Variants in ABCA1 observed in about 807,000 individuals in gnomAD.
ABCA1 encodes the protein phospholipid-transporting ATPase ABCA1.
Under a neutral mutation model 262.5 loss-of-function variants are expected in ABCA1, and 133 were observed. That is an observed-to-expected ratio of 0.51 (90% CI 0.44 to 0.59). The LOEUF (loss-of-function observed/expected upper bound fraction) is 0.59. Ranked by LOEUF, ABCA1 falls within the 20% of genes least tolerant of loss-of-function variation. The pLI, the probability that ABCA1 is intolerant of heterozygous loss-of-function variation, is 0.00. For synonymous variants in ABCA1, 1,022 were observed against 1,043.5 expected, an observed-to-expected ratio of 0.98 and a Z score of 0.40; for missense variants, 2,452 against 2,777.5, an observed-to-expected ratio of 0.88 and a Z score of 2.63.
intron 1 of ABCA1, among the ~76,000 whole-genome samples, chr9:104,919,895 G>A (rs913761745): frequency 6.6e-6 from 1 of 152,016 alleles, no homozygotes; most frequent in African/African-American, 2.4e-5. Flanking sequence ...TTCTGTCATC[G>A]ATCTGATCAG....
intron 5 of ABCA1, among the ~76,000 whole-genome samples, chr9:104,870,532 C>T (rs1320678186): frequency 6.6e-6 from 1 of 152,210 alleles, no homozygotes; most frequent in Non-Finnish European, 1.5e-5. Context: ...ACGTGTCCCC[C>T]CTCAAAGTTC....
chr9:104,828,819 C>T (rs913113326), intron 15 of ABCA1, 97 bp downstream of exon 15: 19 of 1,263,974 alleles, frequency 1.5e-5, no homozygotes, highest in African/African-American at 6.0e-5. Context: ...CCCTTCTCTA[C>T]CAGAGGCTTG....
At chr9:104,790,102 A>C (rs1334565035) in intron 44 of ABCA1, among the ~76,000 whole-genome samples, 1 of 151,920 alleles carries the variant, frequency 6.6e-6, no homozygotes, top group Non-Finnish European at 1.5e-5. Context: ...GTCTCAAAAA[A>C]AAAAAAGCCC....
chr9:104,801,686 T>A (rs920427224), intron 34 of ABCA1, among the ~76,000 whole-genome samples: 1 of 151,944 alleles, frequency 6.6e-6, no homozygotes, highest in African/African-American at 2.4e-5. Context: ...GGATTACAGG[T>A]GTGTGCCACC....
intron 30 of ABCA1, among the ~76,000 whole-genome samples, chr9:104,807,151 G>A (rs1830838960): frequency 6.6e-6 from 1 of 152,194 alleles, no homozygotes; most frequent in Non-Finnish European, 1.5e-5. Context: ...AGATGAGAGA[G>A]GCCTGGGAAA....
chr9:104,887,687 C>T (rs1371513388), intron 3 of ABCA1, among the ~76,000 whole-genome samples: 1 of 149,516 alleles, frequency 6.7e-6, no homozygotes, highest in Non-Finnish European at 1.5e-5. Flanking sequence ...AATTATCTCA[C>T]AGGCATATAA....
chr9:104,885,305 GAC>G (rs1429255813), intron 3 of ABCA1, among the ~76,000 whole-genome samples: 5 of 152,166 alleles, frequency 3.3e-5, no homozygotes, highest in Non-Finnish European at 7.4e-5. Context: ...CAGCTGGCGT[GAC>G]TGGGAGTAGA....
Position 104,812,504 on chromosome 9 carries a change from C to T in ABCA1, c.4050+70G>A. On this transcript the variant is annotated intron_variant, in intron 28 of 49. Coordinates refer to ENST00000374736, the MANE Select transcript of ABCA1 (RefSeq NM_005502.4). The stretch of plus-strand genomic sequence containing the variant: ...ATATCTTGACCAGGATGCTATCCTG[C>T]CTTCACTGGTCACAGAGCCTGCAGC... The T allele has an allele frequency of 5.0e-6, 8 of 1,595,602 alleles. No individual in the cohort carries two copies. The Middle Eastern group carries it at 5.7e-4, about 113-fold the overall frequency.
intron 3 of ABCA1, among the ~76,000 whole-genome samples, chr9:104,888,395 A>G (rs10991390): frequency 0.017 from 2,633 of 152,302 alleles, 29 homozygotes; most frequent in Non-Finnish European, 0.02. Flanking sequence ...CACTGAGCCC[A>G]GCCCTAAGAG....
chr9:104,821,315 G>A (rs974278145), intron 20 of ABCA1, 60 bp downstream of exon 20: 2 of 1,596,640 alleles, frequency 1.3e-6, no homozygotes, highest in Non-Finnish European at 1.7e-6. Context: ...CTCCTCCCAT[G>A]ATGGCATGAC....
chr9:104,788,058 C>T lies in ABCA1; in HGVS notation c.6070-4G>A. 1 of 1,614,170 alleles carries T rather than the reference C, an allele frequency of 6.2e-7. No homozygotes were observed. The highest frequency in any genetic ancestry group is 8.5e-7 in the Non-Finnish European group (1 of 1,180,000). On this transcript the variant is annotated splice_polypyrimidine_tract_variant and splice_region_variant and intron_variant, in intron 45 of 49. Transcript: ENST00000374736. ...TCCGAATCGCCCACTCACCAACCTA[C>T]AGTGATAAAAAGCACCTTGACTTTG...
chr9:104,842,113 T>A (rs3824479), intron 8 of ABCA1, among the ~76,000 whole-genome samples: 9,552 of 152,150 alleles, frequency 0.063, 670 homozygotes, highest in East Asian at 0.41. Flanking sequence ...ACTCTCTAGG[T>A]CCTAAGCTTT....
In ABCA1 at chr9:104,903,711, T is replaced by C; in HGVS notation, c.-32A>G. 6.4e-7 allele frequency: 1 copy of C among 1,562,002 alleles called. No homozygotes were observed. The highest frequency in any genetic ancestry group is 8.7e-7 in the Non-Finnish European group (1 of 1,152,564). ...TCAGCCAGCACCCCCAGCGTGTGGC[T>C]CGGGAGCCCTGGAAGGCAGCGGCCA... On this transcript the variant is annotated 5_prime_UTR_variant, in exon 2 of 50. Transcript: ENST00000374736.
chr9:104,880,799 T>A (rs12001061), intron 5 of ABCA1, among the ~76,000 whole-genome samples: 69,574 of 151,966 alleles, frequency 0.46, 18,038 homozygotes, highest in African/African-American at 0.71. Flanking sequence ...CTCTGCACAC[T>A]ACTGTAGGGT....
intron 8 of ABCA1, 42 bp from the exon 9 acceptor site, chr9:104,840,561 G>C: frequency 6.3e-7 from 1 of 1,592,742 alleles, no homozygotes. Flanking sequence ...TAGGGGAAGG[G>C]AGAAAAGGGC....
chr9:104,858,173 A>G (rs962564631), intron 7 of ABCA1, among the ~76,000 whole-genome samples: 3 of 151,974 alleles, frequency 2.0e-5, no homozygotes, highest in Non-Finnish European at 4.4e-5. Flanking sequence ...AATGGTTTCA[A>G]GACTTTTTTT....
intron 5 of ABCA1, among the ~76,000 whole-genome samples, chr9:104,862,409 T>C (rs1836500178): frequency 1.1e-5 from 1 of 92,696 alleles, no homozygotes; most frequent in African/African-American, 6.5e-5. Flanking sequence ...ATGCCCGGTC[T>C]TTCTCTTCTA....
rs758322157 is a variant in ABCA1, at chr9:104,819,924, C to G, written c.3103+3G>C. 14 of 1,612,704 alleles carry G rather than the reference C, an allele frequency of 8.7e-6. No individual in the cohort carries two copies. The highest frequency in any genetic ancestry group is 1.2e-5 in the Non-Finnish European group (14 of 1,179,920). ...GGATAGGGAAGGTAGCTCTGGGCCG[C>G]ACCTGACAGCTGGCTTGTTTTGCTT... is the stretch of plus-strand genomic sequence containing the variant. On this transcript the variant is annotated splice_donor_region_variant and intron_variant, in intron 21 of 49. Transcript: ENST00000374736.
In ABCA1 at chr9:104,798,445, C is replaced by A. The variant is rs146934490; in HGVS notation, c.5097G>T (p.Trp1699Cys). The A allele has an allele frequency of 2.2e-5, 35 of 1,614,008 alleles. No individual in the cohort carries two copies. Among genetic ancestry groups the A allele is most frequent in the Non-Finnish European group, 2.9e-5 (34 of 1,180,032 alleles). ...CCATATCCCAGACAAAATTAGAGAG[C>A]CAGTAGATGACAGGCTTCACTCCAC... ...FISGVKPVIY[W>C]LSNFVWDMCN... The change falls in exon 37 of 50, where the codon TGG becomes TGT. Residue 1699 changes from tryptophan (W) to cysteine (C), a missense_variant. By Grantham distance (215) the Trp-to-Cys change is radical. Coordinates refer to ENST00000374736, the MANE Select transcript of ABCA1 (RefSeq NM_005502.4).
Sources: gnomAD v4.1 joint callset for allele counts (sites outside exome capture counted in the v4.1 genomes callset) on GRCh38, gnomAD v4.1.1 for gene constraint, MANE v1.5 for transcripts, NCBI Gene and HGNC (gene_info 2026-07-23, HGNC 2026-07-21) for gene names.